Variants in EBF1 observed in about 807,000 individuals in gnomAD.
EBF1 encodes EBF transcription factor 1.
EBF1 carries 10 observed loss-of-function variants against 68.4 expected under a neutral mutation model. That is an observed-to-expected ratio of 0.15 (90% confidence interval 0.09 to 0.25). The LOEUF (loss-of-function observed/expected upper bound fraction) is 0.25, where lower values mean the gene tolerates loss of function less well. Ranked by LOEUF, EBF1 falls within the 10% of genes least tolerant of loss-of-function variation. EBF1 has a pLI of 1.00. For missense variants in EBF1, 509 were observed against 794.4 expected (o/e 0.64, Z 4.32); for synonymous variants, 298 against 299.8 (o/e 0.99, Z 0.06).
At chr5:158,976,256 A>T (rs1756720395) in intron 6 of EBF1, among the ~76,000 whole-genome samples, 2 of 152,202 alleles carry the variant, frequency 1.3e-5, no homozygotes, top group African/African-American at 2.4e-5. Flanking sequence ...TCTTGATGAG[A>T]GTACTTAGCT....
intron 8 of EBF1, among the ~76,000 whole-genome samples, chr5:158,808,444 G>A (rs1049694726): frequency 6.6e-6 from 1 of 152,124 alleles, no homozygotes; most frequent in African/African-American, 2.4e-5. Context: ...TCATGAGTCT[G>A]GCCCATTCTC....
chr5:158,852,889 C>A (rs1793242198), intron 6 of EBF1, among the ~76,000 whole-genome samples: 1 of 152,066 alleles, frequency 6.6e-6, no homozygotes, highest in Non-Finnish European at 1.5e-5. Context: ...TCAGTTTAAA[C>A]CTGAAACACT....
chr5:158,895,035 G>T (rs1032004287), intron 6 of EBF1, among the ~76,000 whole-genome samples: 1 of 152,088 alleles, frequency 6.6e-6, no homozygotes, highest in Admixed American at 6.6e-5. Flanking sequence ...AGATTATAAT[G>T]AATGCCAAAA....
At chr5:159,070,619 T>C (rs763671788) in intron 6 of EBF1, among the ~76,000 whole-genome samples, 2 of 152,154 alleles carry the variant, frequency 1.3e-5, no homozygotes, top group East Asian at 3.9e-4. Context: ...GTCTTTTGAC[T>C]GATAAAAATA....
intron 6 of EBF1, among the ~76,000 whole-genome samples, chr5:158,860,226 T>C (rs2128027824): frequency 6.6e-6 from 1 of 152,382 alleles, no homozygotes; most frequent in African/African-American, 2.4e-5. Context: ...TCTTATTGAA[T>C]GCTCACAACA....
intron 6 of EBF1, among the ~76,000 whole-genome samples, chr5:158,876,843 C>CT (rs995183511): frequency 4.6e-5 from 7 of 152,136 alleles, no homozygotes; most frequent in African/African-American, 1.2e-4. Context: ...GATTCTCTCC[C>CT]TTTCTTCTGC....
At chr5:158,894,422 A>C (rs1801781570) in intron 6 of EBF1, among the ~76,000 whole-genome samples, 1 of 149,370 alleles carries the variant, frequency 6.7e-6, no homozygotes, top group Non-Finnish European at 1.5e-5. Flanking sequence ...AAATCTTTTA[A>C]TGCCTAAATA....
intron 6 of EBF1, among the ~76,000 whole-genome samples, chr5:158,959,559 T>TG (rs1034593663): frequency 6.6e-6 from 1 of 152,144 alleles, no homozygotes; most frequent in Non-Finnish European, 1.5e-5. Context: ...CCCAAAGTGC[T>TG]GGGATTACCG....
At chr5:158,712,556 C>T (rs1426981629) in intron 13 of EBF1, among the ~76,000 whole-genome samples, 1 of 152,074 alleles carries the variant, frequency 6.6e-6, no homozygotes, top group East Asian at 1.9e-4. Context: ...CTTAGCAGGG[C>T]CGTGAGAAAT....
intron 6 of EBF1, among the ~76,000 whole-genome samples, chr5:158,894,600 A>T (rs923475097): frequency 6.6e-6 from 1 of 152,186 alleles, no homozygotes; most frequent in Non-Finnish European, 1.5e-5. Context: ...CAAACCAGAT[A>T]TCACCTCCTC....
At chr5:158,973,463 C>T (rs1357138069) in intron 6 of EBF1, among the ~76,000 whole-genome samples, 1 of 151,480 alleles carries the variant, frequency 6.6e-6, no homozygotes, top group African/African-American at 2.4e-5. Context: ...CAGCTCAAAC[C>T]AACACACACA....
intron 6 of EBF1, among the ~76,000 whole-genome samples, chr5:159,056,282 G>A (rs944107702): frequency 5.3e-5 from 8 of 152,154 alleles, no homozygotes; most frequent in East Asian, 1.9e-4. Flanking sequence ...CTGTGGAGAC[G>A]GAAAAAATTA....
chr5:158,841,181 T>C (rs1057484030), intron 6 of EBF1, among the ~76,000 whole-genome samples: 4 of 152,230 alleles, frequency 2.6e-5, no homozygotes, highest in Non-Finnish European at 5.9e-5. Flanking sequence ...GTACCTACTT[T>C]AACTCTCAAA....
At chr5:158,798,628 G>A (rs929121405) in intron 8 of EBF1, among the ~76,000 whole-genome samples, 4 of 152,106 alleles carry the variant, frequency 2.6e-5, no homozygotes, top group African/African-American at 4.8e-5. Context: ...CAGAAGTCAC[G>A]TGGGTGTACA....
intron 6 of EBF1, among the ~76,000 whole-genome samples, chr5:158,951,292 C>T (rs192925606): frequency 2.0e-5 from 3 of 152,170 alleles, no homozygotes; most frequent in Non-Finnish European, 4.4e-5. Context: ...CCATGTTGAA[C>T]AATGGCTACA....
In EBF1 at chr5:158,997,249, G is replaced by A. The variant is rs142014511; in HGVS notation, c.554+76147C>T. Among the ~76,000 whole-genome samples the A allele has an allele frequency of 2.7e-3, 408 of 152,174 alleles. 1 individual carries two copies. Among genetic ancestry groups the A allele is most frequent in the African/African-American group, 9.3e-3 (386 of 41,504 alleles). ...GTGGGCAGTTTCCAGGTGGCCCCAG[G>A]GGTCTCTCACTCCCTGAGGAGAGCC... On this transcript the variant is annotated intron_variant, in intron 6 of 15. Coordinates refer to ENST00000313708, the MANE Select transcript of EBF1 (RefSeq NM_024007.5).
At chr5:159,032,338 C>A (rs927923188) in intron 6 of EBF1, among the ~76,000 whole-genome samples, 10 of 152,178 alleles carry the variant, frequency 6.6e-5, no homozygotes, top group Admixed American at 2.6e-4. Context: ...GGATTCAAAC[C>A]CAGGGCCATC....
intron 10 of EBF1, among the ~76,000 whole-genome samples, chr5:158,744,692 A>C (rs78814305): frequency 0.022 from 3,299 of 152,306 alleles, 124 homozygotes; most frequent in African/African-American, 0.075. Flanking sequence ...GCTTATCATA[A>C]GAGCCATACA....
At chr5:158,786,027 A>C (rs1157787383) in intron 9 of EBF1, among the ~76,000 whole-genome samples, 1 of 152,206 alleles carries the variant, frequency 6.6e-6, no homozygotes, top group Non-Finnish European at 1.5e-5. Context: ...TGAATGAATA[A>C]ATATCGTGAT....
Sources: gnomAD v4.1 joint callset for allele counts (sites outside exome capture counted in the v4.1 genomes callset) on GRCh38, gnomAD v4.1.1 for gene constraint, MANE v1.5 for transcripts, NCBI Gene and HGNC (gene_info 2026-07-23, HGNC 2026-07-21) for gene names.